The following PLPPR1 variants were observed in gnomAD, a reference collection of about 807,000 sequenced individuals.
PLPPR1 encodes the protein phospholipid phosphatase-related protein type 1.
A neutral mutation model predicts 33.1 loss-of-function variants in PLPPR1; 10 were observed. The ratio of observed to expected loss-of-function variants is 0.30; its 90% CI spans 0.19 to 0.51. The LOEUF (loss-of-function observed/expected upper bound fraction) is 0.51. Ranked by LOEUF, PLPPR1 falls within the 20% of genes least tolerant of loss-of-function variation. The probability of loss-of-function intolerance (pLI) is 0.97; values close to 1 mark genes in which losing one functional copy is unlikely to be tolerated. For missense variants in PLPPR1, 304 were observed against 408.1 expected, an observed-to-expected ratio of 0.74 and a Z score of 2.20; for synonymous variants, 151 against 151.0, an observed-to-expected ratio of 1.00 and a Z score of 0.00.
chr9:101,129,735 G>T (rs1385326580), intron 1 of PLPPR1, among the ~76,000 whole-genome samples: 3 of 152,278 alleles, frequency 2.0e-5, no homozygotes, highest in East Asian at 1.9e-4. Context: ...GGAGGCTGAG[G>T]CAGGCGAATG....
intron 1 of PLPPR1, among the ~76,000 whole-genome samples, chr9:101,091,020 A>G (rs934688213): frequency 6.6e-6 from 1 of 150,618 alleles, no homozygotes; most frequent in Admixed American, 6.6e-5. Context: ...GGTAGCCTAA[A>G]TTACCACATA....
At chr9:101,126,252 G>T (rs1360948405) in intron 1 of PLPPR1, among the ~76,000 whole-genome samples, 1 of 152,218 alleles carries the variant, frequency 6.6e-6, no homozygotes, top group Non-Finnish European at 1.5e-5. Flanking sequence ...AGACCATGCA[G>T]TTGAGGAACT....
At chr9:101,164,786 T>TTCAG (rs1263316755) in intron 1 of PLPPR1, among the ~76,000 whole-genome samples, 1 of 152,202 alleles carries the variant, frequency 6.6e-6, no homozygotes, top group Non-Finnish European at 1.5e-5. Flanking sequence ...GTGTTTGTTT[T>TTCAG]TCAGGGTGTT....
chr9:101,301,100 G>C (rs1365827956), intron 4 of PLPPR1, among the ~76,000 whole-genome samples: 1 of 152,192 alleles, frequency 6.6e-6, no homozygotes, highest in African/African-American at 2.4e-5. Context: ...GGGCTTTCTA[G>C]TTGATTACTC....
At chr9:101,241,723 G>T (rs191438370) in intron 2 of PLPPR1, among the ~76,000 whole-genome samples, 11 of 152,160 alleles carry the variant, frequency 7.2e-5, no homozygotes, top group African/African-American at 2.6e-4. Flanking sequence ...AACAGCTGGA[G>T]GGTGCCAGAT....
chr9:101,196,402 T>C (rs1388279322), intron 2 of PLPPR1, among the ~76,000 whole-genome samples: 1 of 152,192 alleles, frequency 6.6e-6, no homozygotes, highest in African/African-American at 2.4e-5. Context: ...CTCCTAATAA[T>C]CTATCTTACA....
chr9:101,231,768 CT>C (rs1223134254), intron 2 of PLPPR1, among the ~76,000 whole-genome samples: 1 of 152,014 alleles, frequency 6.6e-6, no homozygotes, highest in African/African-American at 2.4e-5. Flanking sequence ...GTGAACTTTG[CT>C]CATTGTTGAT....
intron 1 of PLPPR1, among the ~76,000 whole-genome samples, chr9:101,055,032 G>A (rs1009716797): frequency 6.6e-6 from 1 of 152,194 alleles, no homozygotes; most frequent in African/African-American, 2.4e-5. Context: ...TGCTTAACCT[G>A]AGCTCATAGT....
intron 2 of PLPPR1, among the ~76,000 whole-genome samples, chr9:101,246,079 T>G (rs537997175): frequency 0.043 from 4,445 of 103,426 alleles, 286 homozygotes; most frequent in African/African-American, 0.084. Flanking sequence ...TATATATATA[T>G]ATATATATAT....
intron 4 of PLPPR1, among the ~76,000 whole-genome samples, chr9:101,292,836 G>T (rs1479893738): frequency 6.6e-6 from 1 of 151,888 alleles, no homozygotes; most frequent in African/African-American, 2.4e-5. Context: ...ACCAGTACCA[G>T]CCACTGCAAA....
At chr9:101,307,545 A>T (rs919010251) in intron 4 of PLPPR1, among the ~76,000 whole-genome samples, 3 of 152,168 alleles carry the variant, frequency 2.0e-5, no homozygotes, top group African/African-American at 7.2e-5. Flanking sequence ...CAGAGGTCAG[A>T]CCCAATGAGT....
At position 101,316,154 on chromosome 9, in the gene PLPPR1, T is replaced by A. The variant is rs1386665942; in HGVS notation, c.814-1211T>A. 2.6e-5 allele frequency among the ~76,000 whole-genome samples: 4 copies of A among 151,844 alleles called. No homozygotes were observed. The East Asian group carries it at 7.8e-4, about 30-fold the overall frequency. On this transcript the variant is annotated intron_variant, in intron 6 of 7. Transcript: ENST00000374874. ...TTCCCAGTTAAAGCACAGTGTAGGG[T>A]CCTCGGGCGCGGTGGCTCACGCCTG...
chr9:101,313,145 T>C (rs2275683), intron 6 of PLPPR1, among the ~76,000 whole-genome samples, 171 bp downstream of exon 6: 68,770 of 152,008 alleles, frequency 0.45, 17,666 homozygotes, highest in African/African-American at 0.72. Flanking sequence ...TTCAAAACAC[T>C]CTTTCCTTTC....
intron 1 of PLPPR1, among the ~76,000 whole-genome samples, chr9:101,182,470 G>A (rs7857287): frequency 0.6 from 90,473 of 151,474 alleles, 27,847 homozygotes; most frequent in African/African-American, 0.64. Flanking sequence ...AAAAATCAAA[G>A]CACCACATTA....
chr9:101,045,838 A>G (rs1830136628), intron 1 of PLPPR1, among the ~76,000 whole-genome samples: 1 of 152,200 alleles, frequency 6.6e-6, no homozygotes, highest in Non-Finnish European at 1.5e-5. Context: ...CATAATACCT[A>G]CCACATATGA....
chr9:101,166,639 A>G (rs1825861893), intron 1 of PLPPR1, among the ~76,000 whole-genome samples: 1 of 152,220 alleles, frequency 6.6e-6, no homozygotes, highest in East Asian at 1.9e-4. Flanking sequence ...TATATCATAC[A>G]AAAATTAACT....
chr9:101,167,739 G>T (rs1451275521), intron 1 of PLPPR1, among the ~76,000 whole-genome samples: 2 of 152,068 alleles, frequency 1.3e-5, no homozygotes, highest in African/African-American at 4.8e-5. Context: ...ATTCAAACAA[G>T]AGCTTCTATC....
intron 1 of PLPPR1, among the ~76,000 whole-genome samples, chr9:101,111,494 T>C (rs1007740361): frequency 1.3e-5 from 2 of 152,214 alleles, no homozygotes; most frequent in Non-Finnish European, 2.9e-5. Flanking sequence ...GGAGATTGTA[T>C]GGTGAAATAT....
chr9:101,072,050 A>G (rs2118490723), intron 1 of PLPPR1, among the ~76,000 whole-genome samples: 1 of 152,290 alleles, frequency 6.6e-6, no homozygotes, highest in African/African-American at 2.4e-5. Context: ...TGATTTCAGT[A>G]TGGACAATGG....
Sources: gnomAD v4.1 joint callset for allele counts (sites outside exome capture counted in the v4.1 genomes callset) on GRCh38, gnomAD v4.1.1 for gene constraint, MANE v1.5 for transcripts, NCBI Gene and HGNC (gene_info 2026-07-23, HGNC 2026-07-21) for gene names.